Variants in RBMS3 observed in about 807,000 individuals in gnomAD.
The protein encoded by RBMS3 is RNA-binding motif, single-stranded-interacting protein 3.
Under a neutral mutation model 66.8 loss-of-function variants are expected in RBMS3, and 27 were observed. The ratio of observed to expected loss-of-function variants is 0.40; its 90% CI spans 0.30 to 0.56. RBMS3 has a LOEUF of 0.56. RBMS3 is among the 20% of genes least tolerant of loss of function. The probability of loss-of-function intolerance (pLI) is 0.40; values close to 1 mark genes in which losing one functional copy is unlikely to be tolerated. For missense variants in RBMS3, 513 were observed against 549.5 expected, an observed-to-expected ratio of 0.93 and a Z score of 0.66; for synonymous variants, 188 against 183.0, an observed-to-expected ratio of 1.03 and a Z score of -0.22.
intron 4 of RBMS3, among the ~76,000 whole-genome samples, chr3:29,600,863 G>C (rs1193487484): frequency 6.6e-6 from 1 of 151,908 alleles, no homozygotes; most frequent in African/African-American, 2.4e-5. Flanking sequence ...TCATATCTGT[G>C]TTTTCCACCT....
chr3:29,790,160 A>T (rs1339682681), intron 6 of RBMS3, among the ~76,000 whole-genome samples: 1 of 152,230 alleles, frequency 6.6e-6, no homozygotes, highest in Non-Finnish European at 1.5e-5. Flanking sequence ...TTCTGCACTG[A>T]CATAGAGAAA....
At chr3:29,587,063 A>T in intron 3 of RBMS3, 51 bp from the exon 4 acceptor site, 1 of 1,380,216 alleles carries the variant, frequency 7.2e-7, no homozygotes, top group Non-Finnish European at 1.0e-6. Flanking sequence ...CAGTGAAGAT[A>T]GAGATTCAGC....
At chr3:29,753,772 C>T (rs1234028566) in intron 5 of RBMS3, among the ~76,000 whole-genome samples, 1 of 152,000 alleles carries the variant, frequency 6.6e-6, no homozygotes, top group African/African-American at 2.4e-5. Flanking sequence ...ATAAAAAAGA[C>T]CCAGTGAGAG....
At chr3:29,366,300 A>C (rs55817651) in intron 1 of RBMS3, among the ~76,000 whole-genome samples, 11,858 of 152,316 alleles carry the variant, frequency 0.078, 613 homozygotes, top group Non-Finnish European at 0.11. Context: ...CCAAACACAT[A>C]GATCTAGATT....
intron 3 of RBMS3, among the ~76,000 whole-genome samples, chr3:29,535,853 AGAGTT>A (rs2045537997): frequency 6.7e-6 from 1 of 148,638 alleles, no homozygotes. Context: ...GTGTTTTATT[AGAGTT>A]ATTTCCCATT....
intron 2 of RBMS3, among the ~76,000 whole-genome samples, chr3:29,435,164 T>C (rs1467898447): frequency 6.6e-6 from 1 of 152,246 alleles, no homozygotes; most frequent in Non-Finnish European, 1.5e-5. Flanking sequence ...CATAGATATA[T>C]GACCTGCAAG....
At chr3:29,525,700 C>A (rs956503657) in intron 3 of RBMS3, among the ~76,000 whole-genome samples, 1 of 152,184 alleles carries the variant, frequency 6.6e-6, no homozygotes, top group African/African-American at 2.4e-5. Flanking sequence ...GTTCTTCAAT[C>A]TTCAATCTTT....
chr3:29,533,746 C>T lies in RBMS3; in HGVS notation c.307+45247C>T, dbSNP rs548366649. Among the ~76,000 whole-genome samples the T allele has an allele frequency of 5.9e-5, 9 of 152,270 alleles. 1 individual carries two copies. In the South Asian group the frequency reaches 1.0e-3, roughly 18 times the overall value. On this transcript the variant is annotated intron_variant, in intron 3 of 14. Transcript: ENST00000383767. The stretch of plus-strand genomic sequence containing the variant: ...GAGCCAAGACTGCACCACTGCACTC[C>T]AGCCTGGGCAACAGAGCGAGGCTCC...
chr3:29,388,106 CACACAT>C (rs1268999316), intron 1 of RBMS3, among the ~76,000 whole-genome samples: 19 of 149,374 alleles, frequency 1.3e-4, no homozygotes, highest in African/African-American at 4.1e-4. Context: ...CACACACACA[CACACAT>C]GTGTGTGTAT....
intron 3 of RBMS3, among the ~76,000 whole-genome samples, chr3:29,569,153 A>G (rs527337671): frequency 9.9e-5 from 15 of 152,196 alleles, no homozygotes; most frequent in African/African-American, 3.1e-4. Context: ...TTGCAGAGCC[A>G]TTTTCCTAGT....
chr3:29,898,346 G>T (rs1249597925), intron 9 of RBMS3, among the ~76,000 whole-genome samples: 1 of 151,656 alleles, frequency 6.6e-6, no homozygotes, highest in Non-Finnish European at 1.5e-5. Flanking sequence ...GCGTGTGTAT[G>T]CATGTGCTTC....
intron 3 of RBMS3, among the ~76,000 whole-genome samples, chr3:29,586,075 A>G (rs951085123): frequency 3.3e-5 from 5 of 152,096 alleles, no homozygotes; most frequent in African/African-American, 9.7e-5. Flanking sequence ...TCAGTGGCTC[A>G]CCTCAAAACT....
At chr3:29,885,939 C>T (rs978475910) in intron 8 of RBMS3, among the ~76,000 whole-genome samples, 8 of 151,734 alleles carry the variant, frequency 5.3e-5, no homozygotes, top group African/African-American at 1.9e-4. Context: ...ATGAAACTTA[C>T]ATTGTTAAGG....
intron 3 of RBMS3, among the ~76,000 whole-genome samples, chr3:29,516,525 A>G (rs1346275888): frequency 1.3e-5 from 2 of 151,920 alleles, no homozygotes; most frequent in Non-Finnish European, 2.9e-5. Flanking sequence ...GCAGTGGTAC[A>G]ATGATGGCTT....
intron 2 of RBMS3, among the ~76,000 whole-genome samples, chr3:29,471,249 A>C (rs903958829): frequency 6.6e-6 from 1 of 152,182 alleles, no homozygotes; most frequent in African/African-American, 2.4e-5. Context: ...TGTTCCCTCT[A>C]TATTGGCAAA....
intron 1 of RBMS3, among the ~76,000 whole-genome samples, chr3:29,289,953 G>A (rs1249601053): frequency 2.6e-5 from 4 of 151,710 alleles, no homozygotes; most frequent in Non-Finnish European, 5.9e-5. Flanking sequence ...GATTTTTTTA[G>A]AGACAGCTTA....
At chr3:29,596,337 G>A (rs1260751587) in intron 4 of RBMS3, among the ~76,000 whole-genome samples, 1 of 152,140 alleles carries the variant, frequency 6.6e-6, no homozygotes, top group African/African-American at 2.4e-5. Flanking sequence ...TCCACCTTCT[G>A]TTTCTGTGTA....
At chr3:29,988,005 T>G in intron 12 of RBMS3, 138 bp from the exon 13 acceptor site, 2 of 657,080 alleles carry the variant, frequency 3.0e-6, no homozygotes, top group Non-Finnish European at 5.2e-6. Flanking sequence ...GCTGCCTTAT[T>G]TTTAGTGAAA....
chr3:29,877,929 G>T (rs2059647576), intron 7 of RBMS3, among the ~76,000 whole-genome samples: 1 of 152,060 alleles, frequency 6.6e-6, no homozygotes, highest in African/African-American at 2.4e-5. Context: ...CAAAATATTG[G>T]CTTAATGTTG....
Sources: allele counts gnomAD v4.1 joint callset (sites outside exome capture counted in the v4.1 genomes callset), GRCh38; gene constraint gnomAD v4.1.1; transcripts MANE v1.5; gene names NCBI Gene and HGNC (gene_info 2026-07-23, HGNC 2026-07-21).